CHRNA7: variants seen among roughly 807,000 people sequenced by gnomAD.
CHRNA7 encodes cholinergic receptor nicotinic alpha 7 subunit, also known as neuronal acetylcholine receptor subunit alpha-7.
In CHRNA7, 17 loss-of-function variants were observed where a neutral mutation model predicts 48.0. The ratio of observed to expected loss-of-function variants is 0.35; its 90% confidence interval spans 0.24 to 0.53. CHRNA7 has a LOEUF of 0.53. CHRNA7 is among the 20% of genes least tolerant of loss of function. The probability of loss-of-function intolerance (pLI) is 0.92; values close to 1 mark genes in which losing one functional copy is unlikely to be tolerated. For synonymous variants in CHRNA7, 75 were observed against 242.3 expected (o/e 0.31, Z 6.41); for missense variants, 155 against 577.7 (o/e 0.27, Z 7.50).
chr15:32,094,121 C>T (rs995867026), intron 2 of CHRNA7, among the ~76,000 whole-genome samples: 10 of 152,102 alleles, frequency 6.6e-5, no homozygotes, highest in South Asian at 2.1e-4. Flanking sequence ...GTAAACAGTT[C>T]GGCTGTGATT....
intron 2 of CHRNA7, among the ~76,000 whole-genome samples, chr15:32,061,834 C>A (rs542620998): frequency 1.3e-5 from 2 of 151,896 alleles, no homozygotes; most frequent in Non-Finnish European, 2.9e-5. Context: ...ACAAAAAACA[C>A]CAAAAAAACA....
chr15:32,088,266 A>G (rs1789912693), intron 2 of CHRNA7, among the ~76,000 whole-genome samples: 1 of 152,202 alleles, frequency 6.6e-6, no homozygotes, highest in Non-Finnish European at 1.5e-5. Context: ...ATGGCTTGAT[A>G]GCTCATTTCA....
intron 2 of CHRNA7, among the ~76,000 whole-genome samples, chr15:32,088,888 A>G (rs2050340506): frequency 6.6e-6 from 1 of 152,164 alleles, no homozygotes; most frequent in South Asian, 2.1e-4. Context: ...TTCTTGTAAC[A>G]GTATCTTCCA....
At chr15:32,088,510 C>T (rs938981454) in intron 2 of CHRNA7, among the ~76,000 whole-genome samples, 1 of 152,144 alleles carries the variant, frequency 6.6e-6, no homozygotes, top group Non-Finnish European at 1.5e-5. Flanking sequence ...ACCGCCAAAT[C>T]GTCTTCCAAA....
At chr15:32,151,690 T>G (rs1315119887) in intron 4 of CHRNA7, among the ~76,000 whole-genome samples, 1 of 152,212 alleles carries the variant, frequency 6.6e-6, no homozygotes, top group Non-Finnish European at 1.5e-5. Flanking sequence ...TACCTTTAAT[T>G]TCCATTTTTC....
At position 32,149,639 on chromosome 15, in the gene CHRNA7, T is replaced by C. The variant is rs2051578959; in HGVS notation, c.351-4268T>C. 6.6e-6 allele frequency among the ~76,000 whole-genome samples: 1 copy of C among 152,198 alleles called. No individual in the cohort carries two copies. The highest frequency in any genetic ancestry group is 1.5e-5 in the Non-Finnish European group (1 of 68,032). On this transcript the variant is annotated intron_variant, in intron 4 of 9. Coordinates refer to ENST00000306901, the MANE Select transcript of CHRNA7 (RefSeq NM_000746.6). This position sits in a 1 kb window ranked among gnomAD's most constrained non-coding sequence, Gnocchi z 4.6. ...GGAAAGAAGCGTAAAACTACCATCA[T>C]GGGTATTAAGATTTGGATTTTGATA...
At chr15:32,144,573 T>C (rs2051448452) in intron 4 of CHRNA7, among the ~76,000 whole-genome samples, 1 of 152,238 alleles carries the variant, frequency 6.6e-6, no homozygotes, top group African/African-American at 2.4e-5. Flanking sequence ...AGATTTGGTC[T>C]TGTCACATAG....
At chr15:32,065,909 C>T (rs1281431609) in intron 2 of CHRNA7, among the ~76,000 whole-genome samples, 1 of 128,304 alleles carries the variant, frequency 7.8e-6, no homozygotes, top group Non-Finnish European at 1.6e-5. Context: ...CACAACACAG[C>T]CCACTGCGAA....
intron 4 of CHRNA7, among the ~76,000 whole-genome samples, chr15:32,120,571 C>T (rs1318401836): frequency 3.9e-5 from 6 of 151,970 alleles, no homozygotes; most frequent in Admixed American, 2.0e-4. Flanking sequence ...CACAGCAGAG[C>T]GTGGAATGAC....
chr15:32,060,786 A>G (rs955724876), intron 2 of CHRNA7, among the ~76,000 whole-genome samples: 2 of 152,238 alleles, frequency 1.3e-5, no homozygotes, highest in African/African-American at 4.8e-5. Context: ...AACAGTGGTT[A>G]CAGAACTGTA....
At chr15:32,143,616 A>T (rs1436713451) in intron 4 of CHRNA7, among the ~76,000 whole-genome samples, 2 of 152,176 alleles carry the variant, frequency 1.3e-5, no homozygotes, top group African/African-American at 2.4e-5. Context: ...TTAGGTGCAT[A>T]TATATTTAGG....
At chr15:32,137,027 G>A (rs1205046104) in intron 4 of CHRNA7, among the ~76,000 whole-genome samples, 9 of 58,402 alleles carry the variant, frequency 1.5e-4, no homozygotes, top group South Asian at 7.4e-4. Flanking sequence ...GCGAGACTCC[G>A]TCTCAAAAAA....
chr15:32,072,404 T>C (rs1312669649), intron 2 of CHRNA7, among the ~76,000 whole-genome samples: 1 of 152,050 alleles, frequency 6.6e-6, no homozygotes, highest in Non-Finnish European at 1.5e-5. Context: ...AGCCTGGCTG[T>C]GTGAAAGAAA....
At chr15:32,106,282 C>A (rs1012478402) in intron 3 of CHRNA7, among the ~76,000 whole-genome samples, 1 of 152,172 alleles carries the variant, frequency 6.6e-6, no homozygotes, top group Non-Finnish European at 1.5e-5. Flanking sequence ...TGCTGAATTC[C>A]TGTCCAGAAA....
At chr15:32,088,007 G>A (rs1595432571) in intron 2 of CHRNA7, among the ~76,000 whole-genome samples, 1 of 152,212 alleles carries the variant, frequency 6.6e-6, no homozygotes, top group East Asian at 1.9e-4. Flanking sequence ...AAAGTTCTAT[G>A]AGTTTTGACA....
At position 32,113,837 on chromosome 15, in the gene CHRNA7, C is replaced by T. The variant is rs1279465939; in HGVS notation, c.350+1938C>T. 5.6e-5 allele frequency among the ~76,000 whole-genome samples: 8 copies of T among 141,600 alleles called. No individual in the cohort carries two copies. The South Asian group carries it at 6.9e-4, about 12-fold the overall frequency. 92.9% of individuals were successfully genotyped at this position (141,600 alleles called of 152,430 possible). Reference sequence around the variant, plus strand: ...TATAACATTCAGCCTGAGCAATGTACGAGACCCCCATCTCTAACAACAATA... The same window carrying T: ...TATAACATTCAGCCTGAGCAATGTATGAGACCCCCATCTCTAACAACAATA... On this transcript the variant is annotated intron_variant, in intron 4 of 9. Transcript: ENST00000306901.
chr15:32,109,757 A>G (rs1027439291), intron 3 of CHRNA7, among the ~76,000 whole-genome samples: 2 of 152,128 alleles, frequency 1.3e-5, no homozygotes, highest in South Asian at 2.1e-4. Context: ...CCCCCGAACT[A>G]TGGTGAGTCT....
intron 4 of CHRNA7, among the ~76,000 whole-genome samples, chr15:32,130,770 A>G (rs1360512252): frequency 6.6e-6 from 1 of 151,962 alleles, no homozygotes; most frequent in East Asian, 1.9e-4. Flanking sequence ...AGTAAAGTAG[A>G]TAAATTTTCT....
At chr15:32,061,575 A>AC (rs1301056216) in intron 2 of CHRNA7, among the ~76,000 whole-genome samples, 1 of 152,126 alleles carries the variant, frequency 6.6e-6, no homozygotes, top group African/African-American at 2.4e-5. Flanking sequence ...TGGGAGGCCG[A>AC]GGGGGGTGAA....
Sources: allele counts gnomAD v4.1 joint callset (sites outside exome capture counted in the v4.1 genomes callset), GRCh38; gene constraint gnomAD v4.1.1; non-coding constraint Gnocchi (gnomAD v3.1); transcripts MANE v1.5; gene names NCBI Gene and HGNC (gene_info 2026-07-23, HGNC 2026-07-21).